ELMO1: variants seen among roughly 807,000 people sequenced by gnomAD.
The protein encoded by ELMO1 is engulfment and cell motility protein 1.
In ELMO1, 26 loss-of-function variants were observed where a neutral mutation model predicts 98.9. The ratio of observed to expected loss-of-function variants is 0.26; its 90% confidence interval spans 0.19 to 0.36. The LOEUF (loss-of-function observed/expected upper bound fraction) is 0.36, where lower values mean the gene tolerates loss of function less well. Ranked by LOEUF, ELMO1 falls within the 10% of genes least tolerant of loss-of-function variation. The pLI, the probability that ELMO1 is intolerant of heterozygous loss-of-function variation, is 1.00. For synonymous variants in ELMO1, 346 were observed against 346.0 expected, an observed-to-expected ratio of 1.00 and a Z score of 0.00; for missense variants, 627 against 935.2, an observed-to-expected ratio of 0.67 and a Z score of 4.30.
At chr7:37,374,242 C>T (rs1004306026) in intron 1 of ELMO1, among the ~76,000 whole-genome samples, 1 of 152,158 alleles carries the variant, frequency 6.6e-6, no homozygotes, top group Non-Finnish European at 1.5e-5. Context: ...CTCAGGGTCA[C>T]CCAAGTACCC....
At chr7:37,435,473 G>T (rs1346130590) in intron 1 of ELMO1, among the ~76,000 whole-genome samples, 2 of 152,166 alleles carry the variant, frequency 1.3e-5, no homozygotes, top group Non-Finnish European at 2.9e-5. Context: ...TTTCGAAAGG[G>T]TGAAACTCAA....
At chr7:37,422,646 C>A (rs1357084822) in intron 1 of ELMO1, among the ~76,000 whole-genome samples, 2 of 152,182 alleles carry the variant, frequency 1.3e-5, no homozygotes, top group Non-Finnish European at 2.9e-5. Context: ...AAGCAGGCAA[C>A]ACTTGCCTTC....
chr7:36,989,237 A>G (rs745519635), intron 16 of ELMO1, among the ~76,000 whole-genome samples: 1 of 152,216 alleles, frequency 6.6e-6, no homozygotes, highest in African/African-American at 2.4e-5. Context: ...TTGAGGCATA[A>G]GGAGGTTAAG....
chr7:36,865,551 C>A (rs1435827553), intron 20 of ELMO1, among the ~76,000 whole-genome samples: 1 of 152,166 alleles, frequency 6.6e-6, no homozygotes, highest in African/African-American at 2.4e-5. Context: ...TTCAACATTC[C>A]CAATTAGAGG....
At chr7:37,210,690 G>A (rs758557488) in intron 13 of ELMO1, among the ~76,000 whole-genome samples, 2 of 151,778 alleles carry the variant, frequency 1.3e-5, no homozygotes, top group African/African-American at 2.4e-5. Flanking sequence ...TCTAATCACC[G>A]AAGCCAAAAT....
intron 1 of ELMO1, among the ~76,000 whole-genome samples, chr7:37,390,588 A>G (rs1803024468): frequency 6.6e-6 from 1 of 152,170 alleles, no homozygotes; most frequent in East Asian, 1.9e-4. Flanking sequence ...TCTATTTCTA[A>G]TCCTTTTCAT....
intron 1 of ELMO1, among the ~76,000 whole-genome samples, chr7:37,360,611 T>A (rs1173321876): frequency 6.6e-6 from 1 of 152,162 alleles, no homozygotes; most frequent in Non-Finnish European, 1.5e-5. Flanking sequence ...AGAGCTAAAG[T>A]GGCTGCCTAT....
intron 13 of ELMO1, chr7:37,211,145 CTTAA>C: frequency 2.1e-6 from 1 of 473,790 alleles, no homozygotes; most frequent in Middle Eastern, 5.8e-4. Context: ...CTCGGTTACA[CTTAA>C]TCAGAACTGA....
At chr7:36,973,602 C>A (rs1361951475) in intron 16 of ELMO1, among the ~76,000 whole-genome samples, 1 of 152,196 alleles carries the variant, frequency 6.6e-6, no homozygotes, top group Non-Finnish European at 1.5e-5. Flanking sequence ...ACAGCCCTCG[C>A]TCGCTCTCGG....
At chr7:36,963,581 C>T (rs1052411459) in intron 16 of ELMO1, among the ~76,000 whole-genome samples, 2 of 152,072 alleles carry the variant, frequency 1.3e-5, no homozygotes, top group Admixed American at 6.6e-5. Flanking sequence ...GGATTAGAGG[C>T]ATTTTTCCTT....
At chr7:37,125,755 G>A (rs568296881) in intron 14 of ELMO1, among the ~76,000 whole-genome samples, 2 of 152,222 alleles carry the variant, frequency 1.3e-5, no homozygotes, top group South Asian at 2.1e-4. Flanking sequence ...CTCAAGAATC[G>A]AGAACTAGAA....
At chr7:36,986,819 C>T (rs1791545143) in intron 16 of ELMO1, among the ~76,000 whole-genome samples, 3 of 152,138 alleles carry the variant, frequency 2.0e-5, no homozygotes, top group South Asian at 2.1e-4. Flanking sequence ...TGCAAGCATT[C>T]CAGAGCATCC....
intron 13 of ELMO1, among the ~76,000 whole-genome samples, chr7:37,172,833 C>T (rs2129845981): frequency 6.6e-6 from 1 of 152,304 alleles, no homozygotes. Context: ...GTACTGCATG[C>T]TTGATACAGC....
At chr7:37,261,686 T>C (rs1795983097) in intron 5 of ELMO1, among the ~76,000 whole-genome samples, 1 of 152,074 alleles carries the variant, frequency 6.6e-6, no homozygotes, top group Admixed American at 6.6e-5. Flanking sequence ...CACTGCAACC[T>C]CCGCCTCCCA....
At chr7:36,996,750 T>C (rs1792242589) in intron 16 of ELMO1, among the ~76,000 whole-genome samples, 1 of 152,226 alleles carries the variant, frequency 6.6e-6, no homozygotes, top group Non-Finnish European at 1.5e-5. Flanking sequence ...GAGTTGGGCC[T>C]TGAAGGACAG....
At chr7:37,387,748 T>C (rs75351767) in intron 1 of ELMO1, among the ~76,000 whole-genome samples, 14,537 of 152,256 alleles carry the variant, frequency 0.095, 758 homozygotes, top group Non-Finnish European at 0.11. Context: ...TACTTTTGTA[T>C]AGAAAAGGCT....
chr7:37,020,249 G>A (rs1028894673), intron 15 of ELMO1, among the ~76,000 whole-genome samples: 53 of 152,292 alleles, frequency 3.5e-4, no homozygotes, highest in African/African-American at 1.2e-3. Flanking sequence ...ATAGATGCCA[G>A]ATAATACATC....
At chr7:37,073,552 G>A (rs1202990974) in intron 15 of ELMO1, among the ~76,000 whole-genome samples, 1 of 149,196 alleles carries the variant, frequency 6.7e-6, no homozygotes, top group Non-Finnish European at 1.5e-5. Flanking sequence ...CAAGCATCTG[G>A]TTTTTATTGT....
At chr7:36,926,662 C>T (rs552644692) in intron 16 of ELMO1, among the ~76,000 whole-genome samples, 22 of 152,280 alleles carry the variant, frequency 1.4e-4, no homozygotes, top group Admixed American at 1.3e-3. Context: ...GTGTCTTACA[C>T]TAACCCTAAG....
Sources: gnomAD v4.1 joint callset for allele counts (sites outside exome capture counted in the v4.1 genomes callset) on GRCh38, gnomAD v4.1.1 for gene constraint, MANE v1.5 for transcripts, NCBI Gene and HGNC (gene_info 2026-07-23, HGNC 2026-07-21) for gene names.